The following EPS8L2 variants were observed in gnomAD, a reference collection of about 807,000 sequenced individuals.
EPS8L2 encodes the protein epidermal growth factor receptor kinase substrate 8-like protein 2.
Under a neutral mutation model 99.4 loss-of-function variants are expected in EPS8L2, and 81 were observed. The ratio of observed to expected loss-of-function variants is 0.82; its 90% CI spans 0.68 to 0.98. The LOEUF (loss-of-function observed/expected upper bound fraction) is 0.98, where lower values mean the gene tolerates loss of function less well. EPS8L2 is among the 50% of genes least tolerant of loss of function. EPS8L2 has a pLI of 0.00. For missense variants in EPS8L2, 1,155 were observed against 968.8 expected, an observed-to-expected ratio of 1.19 and a Z score of -2.55; for synonymous variants, 509 against 407.3, an observed-to-expected ratio of 1.25 and a Z score of -3.01.
intron 17 of EPS8L2, 118 bp from the exon 18 acceptor site, chr11:725,980 G>T: frequency 3.8e-6 from 5 of 1,330,768 alleles, no homozygotes; most frequent in Non-Finnish European, 5.0e-6. Context: ...TGGGCAGAAG[G>T]AAAGGGCTGG....
chr11:711,394 G>A (rs1423009934), intron 4 of EPS8L2, among the ~76,000 whole-genome samples: 1 of 151,914 alleles, frequency 6.6e-6, no homozygotes, highest in Admixed American at 6.6e-5. Context: ...TGCCCAGGCT[G>A]GAGTGCAGTG....
intron 4 of EPS8L2, among the ~76,000 whole-genome samples, chr11:711,626 G>A (rs1351297268): frequency 2.6e-5 from 4 of 152,092 alleles, no homozygotes; most frequent in African/African-American, 7.2e-5. Flanking sequence ...GTGTGAGCTC[G>A]TAGTCCAGCT....
At chr11:720,281 C>T in intron 5 of EPS8L2, 58 bp downstream of exon 5, 1 of 1,568,650 alleles carries the variant, frequency 6.4e-7, no homozygotes, top group South Asian at 1.1e-5. Context: ...GTGGCAGCCA[C>T]CGGCTGCAGC....
chr11:720,114 A>G lies in EPS8L2; in HGVS notation c.218A>G (p.Asp73Gly). The G allele has an allele frequency of 6.2e-7, 1 of 1,613,328 alleles. No individual in the cohort carries two copies. The highest frequency in any genetic ancestry group is 8.5e-7 in the Non-Finnish European group (1 of 1,179,960). ...DKSEAITSVD[D>G]AIRKLVQLSS... is the part of the protein sequence containing the mutation. ...AGCGAAGCCATCACGTCTGTGGACG[A>G]CGCCATCCGGAAGCTGGTGCAGCTG... Residue 73 changes from aspartate to glycine, a missense_variant, in exon 5 of 21, where the codon GAC becomes GGC. By Grantham distance (94) the Asp-to-Gly change is moderately conservative (BLOSUM62 -1). Transcript: ENST00000318562.
intron 4 of EPS8L2, among the ~76,000 whole-genome samples, chr11:713,412 C>T (rs1378234914): frequency 1.3e-5 from 2 of 152,238 alleles, no homozygotes; most frequent in African/African-American, 4.8e-5. Flanking sequence ...GACGGAGTCT[C>T]GCTCTGTCAC....
At chr11:721,418 G>C (rs1320536619) in intron 9 of EPS8L2, 66 bp downstream of exon 9, 1 of 1,512,920 alleles carries the variant, frequency 6.6e-7, no homozygotes, top group African/African-American at 1.4e-5. Context: ...ACTGGTCCTT[G>C]CTGTCCCTCC....
At chr11:718,347 C>A (rs1429277091) in intron 4 of EPS8L2, among the ~76,000 whole-genome samples, 1 of 151,982 alleles carries the variant, frequency 6.6e-6, no homozygotes, top group Non-Finnish European at 1.5e-5. Context: ...AAAACAAAAA[C>A]TAACAAACAA....
chr11:721,174 G>A lies in EPS8L2; in HGVS notation c.668G>A (p.Arg223His), dbSNP rs771552139. 27 of 1,534,312 alleles carry A rather than the reference G, an allele frequency of 1.8e-5. No homozygotes were observed. The South Asian group carries it at 3.1e-4, about 18-fold the overall frequency. ...RGGDSPEAKNRVGPQVPLSEP... is the reference protein window; with the variant it reads ...RGGDSPEAKNHVGPQVPLSEP... ...GGGGATTCCCCGGAGGCCAAGAATC[G>A]CGTGGGCCCGCAGGTGCCACTCAGC... The change falls in exon 8 of 21, where the codon CGC (arginine) becomes CAC (histidine). Residue 223 changes from arginine to histidine, a missense_variant. Coordinates refer to ENST00000318562, the MANE Select transcript of EPS8L2 (RefSeq NM_022772.4).
intron 4 of EPS8L2, among the ~76,000 whole-genome samples, chr11:710,902 C>T (rs1236137155): frequency 1.3e-5 from 2 of 152,216 alleles, no homozygotes; most frequent in Non-Finnish European, 2.9e-5. Context: ...CCGGGGAAAG[C>T]GCCCCTCTGG....
At chr11:725,102 G>T (rs552472930) in intron 16 of EPS8L2, among the ~76,000 whole-genome samples, 4 of 152,210 alleles carry the variant, frequency 2.6e-5, no homozygotes, top group African/African-American at 9.6e-5. Flanking sequence ...TGGACTCAGC[G>T]GGGGCCTGTC....
rs1861830825 is a variant in EPS8L2 at position 709,619 on chromosome 11, T to C, written c.100+11T>C. 6.2e-7 allele frequency: 1 copy of C among 1,612,370 alleles called. No homozygotes were observed. The highest frequency in any genetic ancestry group is 1.1e-5 in the South Asian group (1 of 90,988). On this transcript the variant is annotated intron_variant, in intron 3 of 20. Coordinates refer to ENST00000318562, the MANE Select transcript of EPS8L2 (RefSeq NM_022772.4). ...CCAAGGACCTGTTTGGTGAGTGAGG[T>C]TTGAGAACGGGCTGGACGTCACAGG...
intron 1 of EPS8L2, among the ~76,000 whole-genome samples, chr11:707,487 C>G (rs1416745114): frequency 6.6e-6 from 1 of 152,194 alleles, no homozygotes; most frequent in East Asian, 1.9e-4. Context: ...CTCCACAGCC[C>G]GACTGACCGG....
Position 724,447 on chromosome 11 carries a change from G to A in EPS8L2, c.1455-277G>A. 2.1e-6 allele frequency: 1 copy of A among 477,220 alleles called. No homozygotes were observed. The highest frequency in any genetic ancestry group is 3.8e-6 in the Non-Finnish European group (1 of 261,178). 29.6% of individuals were successfully genotyped at this position (477,220 alleles called of 1,614,324 possible). A position where few individuals can be genotyped will look rare whatever the true frequency, so the allele number is the denominator to read the frequency against. ...CTGGGGTGCCGGACTGGAGACCCCT[G>A]AGGTGGCCTGGGATGGGCCAGCCTT... On this transcript the variant is annotated intron_variant, in intron 15 of 20. Transcript: ENST00000318562. The surrounding 1 kb of genome is among the most constrained non-coding windows in gnomAD (Gnocchi z 5.5).
At chr11:708,207 G>A (rs767291188) in intron 1 of EPS8L2, among the ~76,000 whole-genome samples, 30 of 152,206 alleles carry the variant, frequency 2.0e-4, no homozygotes, top group Non-Finnish European at 3.5e-4. Flanking sequence ...GGCAGATGGT[G>A]TGGACCTGTG....
chr11:714,623 T>C (rs762730639), intron 4 of EPS8L2, among the ~76,000 whole-genome samples: 50 of 141,766 alleles, frequency 3.5e-4, no homozygotes, highest in Non-Finnish European at 6.5e-4. Flanking sequence ...ATTTTATTTA[T>C]TTTTTTATTT....
At chr11:709,134 C>T (rs1436161122) in intron 1 of EPS8L2, 196 bp from the exon 2 acceptor site, 5 of 487,852 alleles carry the variant, frequency 1.0e-5, no homozygotes, top group South Asian at 2.2e-5. Context: ...GGGTCTGAGG[C>T]ATGACGAGGC....
Position 724,775 on chromosome 11 carries a change from C to T in EPS8L2, c.1506C>T (p.Asp502=). The change falls in exon 16 of 21, where the codon GAC becomes GAT. Residue 502 remains aspartate, a synonymous_variant. Coordinates refer to ENST00000318562, the MANE Select transcript of EPS8L2 (RefSeq NM_022772.4). This position sits in a 1 kb window ranked among gnomAD's most constrained non-coding sequence, Gnocchi z 5.5. ...AMAKYVKILY[D]FTARNANELS... ...CCAAGTACGTCAAGATCCTGTATGA[C>T]TTCACAGCCCGAAATGCCAACGAGC... 1.9e-6 allele frequency: 3 copies of T among 1,613,672 alleles called. No homozygotes were observed. The South Asian group carries it at 3.3e-5, about 18-fold the overall frequency.
At chr11:726,057 G>A (rs553993002) in intron 17 of EPS8L2, 41 bp from the exon 18 acceptor site, 5 of 1,419,696 alleles carry the variant, frequency 3.5e-6, no homozygotes, top group East Asian at 2.4e-5. Context: ...TGGGAGGCGG[G>A]GGCGGGGCGT....
Position 722,267 on chromosome 11 carries a change from C to T in EPS8L2, c.1059+102C>T. The T allele has an allele frequency of 2.6e-6, 4 of 1,533,736 alleles. No homozygotes were observed. In the Admixed American group the frequency reaches 7.0e-5, roughly 27 times the overall value. On this transcript the variant is annotated intron_variant, in intron 12 of 20. Coordinates refer to ENST00000318562, the MANE Select transcript of EPS8L2 (RefSeq NM_022772.4). ...TGGGGCAGCAGGTGCCCGCCTTGGG[C>T]AGCCCGGTTCACGCTGTGTGGCCAC...
Sources: gnomAD v4.1 joint callset for allele counts (sites outside exome capture counted in the v4.1 genomes callset) on GRCh38, gnomAD v4.1.1 for gene constraint, Gnocchi (gnomAD v3.1) non-coding constraint, MANE v1.5 for transcripts, NCBI Gene and HGNC (gene_info 2026-07-23, HGNC 2026-07-21) for gene names.